PDK1: variants seen among roughly 807,000 people sequenced by gnomAD.
The protein encoded by PDK1 is pyruvate dehydrogenase kinase 1.
A neutral mutation model predicts 54.2 loss-of-function variants in PDK1; 39 were observed. That is an observed-to-expected ratio of 0.72 (90% CI 0.56 to 0.94). PDK1 has a LOEUF of 0.94. Ranked by LOEUF, PDK1 falls within the 40% of genes least tolerant of loss-of-function variation. The pLI is 0.00. For missense variants in PDK1, 552 were observed against 566.0 expected (o/e 0.98, Z 0.25); for synonymous variants, 221 against 207.1 (o/e 1.07, Z -0.58).
chr2:172,665,651 T>C, the PDK1 span, among the ~76,000 whole-genome samples: 1 of 152,326 alleles, frequency 6.6e-6, no homozygotes, highest in African/African-American at 2.4e-5. Context: ...GCCTACCAGA[T>C]TCCTTTTCTC....
chr2:172,617,556 C>T, the PDK1 span, among the ~76,000 whole-genome samples: 3 of 152,024 alleles, frequency 2.0e-5, no homozygotes, highest in Non-Finnish European at 4.4e-5. Context: ...GAGGGGAGGA[C>T]CATCATATCC....
intron 10 of PDK1, among the ~76,000 whole-genome samples, chr2:172,593,269 A>G (rs985989368): frequency 1.3e-5 from 2 of 152,208 alleles, no homozygotes; most frequent in Non-Finnish European, 2.9e-5. Context: ...ATTAATAGGA[A>G]AAAAATTGGG....
At chr2:172,562,465 G>A (rs190795180) in intron 3 of PDK1, among the ~76,000 whole-genome samples, 174 bp downstream of exon 3, 43 of 152,190 alleles carry the variant, frequency 2.8e-4, no homozygotes, top group African/African-American at 8.0e-4. Context: ...GAAATGCTTC[G>A]TGTTCCTCTT....
chr2:172,592,510 T>C (rs1208132849), intron 9 of PDK1, among the ~76,000 whole-genome samples: 1 of 152,146 alleles, frequency 6.6e-6, no homozygotes. Context: ...TCTGACTTTC[T>C]GTCTCTTTCT....
chr2:172,679,047 A>G, the PDK1 span: 2 of 152,248 alleles, frequency 1.3e-5, no homozygotes, highest in African/African-American at 2.4e-5. Flanking sequence ...ATAATTGAAC[A>G]TTCAGAAATA....
rs964345615 is a variant in PDK1, at chr2:172,602,644, G to A, written c.*6675G>A. 6.6e-6 allele frequency: 1 copy of A among 152,210 alleles called. No individual in the cohort carries two copies. Among genetic ancestry groups the A allele is most frequent in the Admixed American group, 6.5e-5 (1 of 15,278 alleles). The allele number at this position is 152,210 out of a possible 1,614,324, so 9.4% of individuals were successfully genotyped here. Reference sequence around the variant, plus strand: ...GCAAGGTGTTAACAAAAAGTTACCTGCCTATGGATTCTCCTTTCTAACTCT... The same window carrying A: ...GCAAGGTGTTAACAAAAAGTTACCTACCTATGGATTCTCCTTTCTAACTCT... On this transcript the variant is annotated 3_prime_UTR_variant, in exon 11 of 11. Transcript: ENST00000282077.
At chr2:172,559,099 C>T (rs1688517647) in intron 2 of PDK1, among the ~76,000 whole-genome samples, 1 of 152,184 alleles carries the variant, frequency 6.6e-6, no homozygotes, top group South Asian at 2.1e-4. Flanking sequence ...CAGGCACGTG[C>T]CACCACGCCC....
At chr2:172,622,529 A>G in the PDK1 span, among the ~76,000 whole-genome samples, 1 of 142,208 alleles carries the variant, frequency 7.0e-6, no homozygotes, top group African/African-American at 2.5e-5. Flanking sequence ...TATATCATAT[A>G]TTATGTGAGA....
chr2:172,652,023 A>C, the PDK1 span, among the ~76,000 whole-genome samples: 1 of 152,336 alleles, frequency 6.6e-6, no homozygotes, highest in African/African-American at 2.4e-5. Context: ...AAAAAAAGAG[A>C]ATTTTAGACC....
the PDK1 span, among the ~76,000 whole-genome samples, chr2:172,668,358 C>T: frequency 6.6e-6 from 1 of 151,250 alleles, no homozygotes; most frequent in Non-Finnish European, 1.5e-5. Context: ...TTCGTTCCCA[C>T]TTATATCTCT....
chr2:172,687,847 G>T, the PDK1 span, among the ~76,000 whole-genome samples: 1 of 152,124 alleles, frequency 6.6e-6, no homozygotes, highest in African/African-American at 2.4e-5. Context: ...GACAAGATGG[G>T]GACTCCTCTT....
Position 172,586,273 on chromosome 2 carries a change from C to T in PDK1, c.946-5C>T, listed in dbSNP as rs2149275699. 1 of 1,587,114 alleles carries T rather than the reference C, an allele frequency of 6.3e-7. No individual in the cohort carries two copies. Among genetic ancestry groups the T allele is most frequent in the East Asian group, 2.2e-5 (1 of 44,676 alleles). On this transcript the variant is annotated splice_region_variant and splice_polypyrimidine_tract_variant and intron_variant, in intron 8 of 10. Coordinates refer to ENST00000282077, the MANE Select transcript of PDK1 (RefSeq NM_002610.5). ...GCATAGAGCACGATCCTTTTCTTACCTTAGATGAGTGACCGAGGAGGTGGC... is the reference window on the plus strand; with the variant it reads ...GCATAGAGCACGATCCTTTTCTTACTTTAGATGAGTGACCGAGGAGGTGGC...
intron 6 of PDK1, 116 bp from the exon 7 acceptor site, chr2:172,568,625 C>G: frequency 1.5e-6 from 1 of 672,326 alleles, no homozygotes; most frequent in Non-Finnish European, 2.7e-6. Flanking sequence ...AGTTCTCCCC[C>G]AGGTAATACT....
chr2:172,633,837 A>T, the PDK1 span, among the ~76,000 whole-genome samples: 1 of 119,770 alleles, frequency 8.3e-6, no homozygotes, highest in East Asian at 2.4e-4. Flanking sequence ...GGATTTTAAA[A>T]TTTTGCCTGT....
At chr2:172,586,473 A>G (rs962286229) in intron 9 of PDK1, 85 bp downstream of exon 9, 4 of 759,034 alleles carry the variant, frequency 5.3e-6, no homozygotes, top group Non-Finnish European at 9.3e-6. Context: ...TTAAGCCGTC[A>G]TGTAGGGTAC....
At chr2:172,689,924 C>G in the PDK1 span, among the ~76,000 whole-genome samples, 72 of 150,374 alleles carry the variant, frequency 4.8e-4, 2 homozygotes, top group African/African-American at 1.7e-3. Flanking sequence ...CAATACCATT[C>G]AGGACATAGG....
the PDK1 span, among the ~76,000 whole-genome samples, chr2:172,627,959 A>T: frequency 6.6e-6 from 1 of 152,186 alleles, no homozygotes; most frequent in Non-Finnish European, 1.5e-5. Context: ...GCGTGGAGAA[A>T]GTCACACCCA....
chr2:172,631,668 G>A, the PDK1 span, among the ~76,000 whole-genome samples: 4 of 152,176 alleles, frequency 2.6e-5, no homozygotes, highest in East Asian at 3.9e-4. Flanking sequence ...TGCCTAGAAT[G>A]TAGACAATAT....
chr2:172,634,299 G>A, the PDK1 span, among the ~76,000 whole-genome samples: 4 of 26,622 alleles, frequency 1.5e-4, no homozygotes, highest in Middle Eastern at 0.062. Context: ...TGGAGACCGA[G>A]TCTCGCTCTG....
Sources: allele counts gnomAD v4.1 joint callset (sites outside exome capture counted in the v4.1 genomes callset), GRCh38; gene constraint gnomAD v4.1.1; transcripts MANE v1.5; gene names NCBI Gene and HGNC (gene_info 2026-07-23, HGNC 2026-07-21).